CDH13: variants seen among roughly 807,000 people sequenced by gnomAD.
CDH13 encodes the protein cadherin-13.
Under a neutral mutation model 63.8 loss-of-function variants are expected in CDH13, and 24 were observed. The observed-to-expected ratio is 0.38, with a 90% CI of 0.27 to 0.53. The LOEUF (loss-of-function observed/expected upper bound fraction) is 0.53, where lower values mean the gene tolerates loss of function less well. Among genes scored for constraint, CDH13 ranks in the 20% least tolerant of loss-of-function variants. The pLI is 0.85. For synonymous variants in CDH13, 503 were observed against 355.3 expected, an observed-to-expected ratio of 1.42 and a Z score of -4.67; for missense variants, 1,049 against 903.1, an observed-to-expected ratio of 1.16 and a Z score of -2.07.
At chr16:82,896,902 T>A (rs2041289479) in intron 2 of CDH13, among the ~76,000 whole-genome samples, 1 of 145,246 alleles carries the variant, frequency 6.9e-6, no homozygotes, top group Non-Finnish European at 1.5e-5. Context: ...TGCCTCAGCC[T>A]CCCCAGTCGC....
chr16:82,913,768 G>C (rs970494014), intron 2 of CDH13, among the ~76,000 whole-genome samples: 1 of 152,048 alleles, frequency 6.6e-6, no homozygotes, highest in Non-Finnish European at 1.5e-5. Context: ...AGTCATTTGG[G>C]AGATGAAGGG....
At chr16:83,209,489 A>T (rs756989028) in intron 4 of CDH13, among the ~76,000 whole-genome samples, 1 of 152,206 alleles carries the variant, frequency 6.6e-6, no homozygotes, top group Non-Finnish European at 1.5e-5. Context: ...AGGTCTGAAA[A>T]TGTGTCTCCA....
At chr16:82,936,202 G>C (rs1478304958) in intron 2 of CDH13, among the ~76,000 whole-genome samples, 1 of 152,132 alleles carries the variant, frequency 6.6e-6, no homozygotes, top group Admixed American at 6.5e-5. Context: ...TCTCCAGCTT[G>C]CTTGTCTATG....
intron 1 of CDH13, among the ~76,000 whole-genome samples, chr16:82,696,208 T>G (rs1231980215): frequency 6.6e-6 from 1 of 152,244 alleles, no homozygotes; most frequent in Non-Finnish European, 1.5e-5. Context: ...GATTTCTTTT[T>G]GCATAATTCT....
intron 3 of CDH13, among the ~76,000 whole-genome samples, chr16:83,070,859 C>A (rs955101369): frequency 4.3e-5 from 6 of 138,588 alleles, no homozygotes; most frequent in South Asian, 2.6e-4. Context: ...TAAACAGCCC[C>A]CCCCCCCCCA....
At chr16:83,062,249 T>C (rs1161991692) in intron 3 of CDH13, among the ~76,000 whole-genome samples, 1 of 151,882 alleles carries the variant, frequency 6.6e-6, no homozygotes, top group African/African-American at 2.4e-5. Flanking sequence ...GAGTACCCCC[T>C]GTCAGTTTTC....
At chr16:83,172,743 A>T (rs1005691990) in intron 4 of CDH13, among the ~76,000 whole-genome samples, 3 of 152,100 alleles carry the variant, frequency 2.0e-5, no homozygotes, top group Non-Finnish European at 4.4e-5. Context: ...CTTTGTCATA[A>T]CAGCCCTAAC....
chr16:82,975,464 G>T lies in CDH13; in HGVS notation c.158-56546G>T, dbSNP rs542096099. Among the ~76,000 whole-genome samples the T allele has an allele frequency of 3.9e-5, 6 of 152,222 alleles. No homozygotes were observed. In the South Asian group the frequency reaches 1.2e-3, roughly 32 times the overall value. ...CATGCTCTTAACCTCTCTGATCCTTGGCATCCTTCTCCCTGTGACAGGGAT... is the reference window on the plus strand; with the variant it reads ...CATGCTCTTAACCTCTCTGATCCTTTGCATCCTTCTCCCTGTGACAGGGAT... On this transcript the variant is annotated intron_variant, in intron 2 of 13. Coordinates refer to ENST00000567109, the MANE Select transcript of CDH13 (RefSeq NM_001257.5).
intron 8 of CDH13, among the ~76,000 whole-genome samples, chr16:83,634,994 G>A (rs1009773408): frequency 2.0e-5 from 3 of 152,306 alleles, no homozygotes; most frequent in East Asian, 1.9e-4. Flanking sequence ...ATAAGAAACT[G>A]CCTGTTTTCC....
chr16:82,838,356 G>A (rs139672984), intron 1 of CDH13, among the ~76,000 whole-genome samples: 436 of 152,306 alleles, frequency 2.9e-3, no homozygotes, highest in African/African-American at 1.0e-2. Context: ...CCACTATAGG[G>A]ATGGACAGGT....
At position 83,520,676 on chromosome 16, in the gene CDH13, G is replaced by A. The variant is rs181192108; in HGVS notation, c.960+34021G>A. Among the ~76,000 whole-genome samples the A allele has an allele frequency of 5.3e-5, 8 of 152,224 alleles. No individual in the cohort carries two copies. The East Asian group carries it at 1.5e-3, about 29-fold the overall frequency. ...TGCCAATTTTGATTACAGCTTCTCA[G>A]CCTGGAAAATTGTCCTGGAAGGGCT... On this transcript the variant is annotated intron_variant, in intron 7 of 13. Transcript: ENST00000567109.
intron 6 of CDH13, among the ~76,000 whole-genome samples, chr16:83,377,259 C>G (rs2091476789): frequency 6.6e-6 from 1 of 152,146 alleles, no homozygotes; most frequent in Admixed American, 6.5e-5. Context: ...TTTATGTTAT[C>G]AGCCAATGGC....
intron 11 of CDH13, among the ~76,000 whole-genome samples, chr16:83,765,981 T>A: frequency 6.6e-6 from 1 of 152,174 alleles, no homozygotes. Flanking sequence ...TTTGGGGCCA[T>A]AGATTGTACC....
chr16:82,747,431 G>A (rs865985259), intron 1 of CDH13, among the ~76,000 whole-genome samples: 1 of 149,350 alleles, frequency 6.7e-6, no homozygotes, highest in Non-Finnish European at 1.5e-5. Flanking sequence ...GAAAGGTCTG[G>A]ATTATTTCAC....
intron 6 of CDH13, among the ~76,000 whole-genome samples, chr16:83,464,678 T>TCCC (rs1395488284): frequency 2.6e-5 from 4 of 152,094 alleles, no homozygotes; most frequent in Non-Finnish European, 5.9e-5. Context: ...ATTACAAGGA[T>TCCC]ACCCCAAGGC....
At chr16:82,676,680 T>A (rs888883316) in intron 1 of CDH13, among the ~76,000 whole-genome samples, 2 of 152,086 alleles carry the variant, frequency 1.3e-5, no homozygotes, top group African/African-American at 2.4e-5. Flanking sequence ...TGGTTTTTTT[T>A]ATGAAATATA....
intron 5 of CDH13, among the ~76,000 whole-genome samples, chr16:83,265,317 C>T (rs1907478887): frequency 6.6e-6 from 1 of 152,136 alleles, no homozygotes; most frequent in Non-Finnish European, 1.5e-5. Context: ...CCTGGTTAAC[C>T]TCTGGATTAT....
At chr16:83,761,962 G>T (rs1914007855) in intron 11 of CDH13, among the ~76,000 whole-genome samples, 1 of 152,138 alleles carries the variant, frequency 6.6e-6, no homozygotes, top group South Asian at 2.1e-4. Flanking sequence ...AGCTACTCAG[G>T]AGGCTGAGGC....
chr16:83,471,436 G>A (rs149048481), intron 6 of CDH13, among the ~76,000 whole-genome samples: 3,824 of 151,994 alleles, frequency 0.025, 162 homozygotes, highest in African/African-American at 0.087. Flanking sequence ...CACAGCGCCC[G>A]GCTAATTTTT....
Sources: allele counts gnomAD v4.1 joint callset (sites outside exome capture counted in the v4.1 genomes callset), GRCh38; gene constraint gnomAD v4.1.1; transcripts MANE v1.5; gene names NCBI Gene and HGNC (gene_info 2026-07-23, HGNC 2026-07-21).